Variants in CNTNAP2 observed in about 807,000 individuals in gnomAD.
CNTNAP2 encodes contactin-associated protein-like 2.
A neutral mutation model predicts 155.2 loss-of-function variants in CNTNAP2; 98 were observed. That is an observed-to-expected ratio of 0.63 (90% CI 0.54 to 0.75). CNTNAP2 has a LOEUF of 0.75. Ranked by LOEUF, CNTNAP2 falls within the 30% of genes least tolerant of loss-of-function variation. The pLI, the probability that CNTNAP2 is intolerant of heterozygous loss-of-function variation, is 0.00. For missense variants in CNTNAP2, 1,727 were observed against 1,688.1 expected (o/e 1.02, Z -0.40); for synonymous variants, 651 against 631.2 (o/e 1.03, Z -0.47).
intron 1 of CNTNAP2, among the ~76,000 whole-genome samples, chr7:146,124,768 G>T (rs550542947): frequency 2.0e-5 from 3 of 152,180 alleles, no homozygotes; most frequent in African/African-American, 7.2e-5. Context: ...CATGATTCGG[G>T]TGTTTTTTTC....
intron 13 of CNTNAP2, among the ~76,000 whole-genome samples, chr7:147,869,615 CTAAG>C (rs1475868962): frequency 6.6e-6 from 1 of 152,138 alleles, no homozygotes; most frequent in Non-Finnish European, 1.5e-5. Context: ...TTCAAAATAA[CTAAG>C]GAAGGGAAGT....
At chr7:146,839,127 G>A (rs1324536614) in intron 2 of CNTNAP2, among the ~76,000 whole-genome samples, 2 of 151,894 alleles carry the variant, frequency 1.3e-5, no homozygotes, top group Non-Finnish European at 2.9e-5. Flanking sequence ...AAGAGGTATT[G>A]ACTGTATATC....
At chr7:148,032,803 G>A in intron 15 of CNTNAP2, among the ~76,000 whole-genome samples, 1 of 152,188 alleles carries the variant, frequency 6.6e-6, no homozygotes, top group African/African-American at 2.4e-5. Context: ...CTATGTTGAT[G>A]AGCACTTTGG....
chr7:147,341,299 G>A (rs1795758613), intron 9 of CNTNAP2, among the ~76,000 whole-genome samples: 1 of 151,938 alleles, frequency 6.6e-6, no homozygotes, highest in Admixed American at 6.6e-5. Context: ...TCGGTGGAGG[G>A]CTGGGGGAGG....
intron 1 of CNTNAP2, among the ~76,000 whole-genome samples, chr7:146,382,319 C>A (rs1324813415): frequency 1.3e-5 from 2 of 151,986 alleles, no homozygotes. Context: ...AAGATGGTAA[C>A]CTACTTGAAG....
intron 1 of CNTNAP2, among the ~76,000 whole-genome samples, chr7:146,288,797 T>C (rs2129086199): frequency 8.3e-6 from 1 of 120,418 alleles, no homozygotes; most frequent in Non-Finnish European, 1.6e-5. Flanking sequence ...TTAGTAATTT[T>C]TTTTTTTTTT....
At chr7:147,066,958 C>A (rs1563064060) in intron 4 of CNTNAP2, among the ~76,000 whole-genome samples, 1 of 152,112 alleles carries the variant, frequency 6.6e-6, no homozygotes, top group Non-Finnish European at 1.5e-5. Flanking sequence ...GTTGTATCAC[C>A]ATATAGCGAA....
At chr7:148,022,527 T>G (rs1802301438) in intron 15 of CNTNAP2, among the ~76,000 whole-genome samples, 1 of 151,808 alleles carries the variant, frequency 6.6e-6, no homozygotes, top group Non-Finnish European at 1.5e-5. Flanking sequence ...CCAGTGTGGC[T>G]TCTGCCTCTG....
At chr7:147,191,655 T>C (rs1191677378) in intron 8 of CNTNAP2, among the ~76,000 whole-genome samples, 3 of 152,206 alleles carry the variant, frequency 2.0e-5, no homozygotes, top group Non-Finnish European at 4.4e-5. Context: ...AAACACTATT[T>C]CTGGAGGGGA....
chr7:147,564,595 C>A (rs1859549), intron 12 of CNTNAP2, among the ~76,000 whole-genome samples: 67,585 of 151,550 alleles, frequency 0.45, 15,216 homozygotes, highest in East Asian at 0.61. Context: ...TTCTTAAATT[C>A]ATCTCAAAGG....
chr7:147,783,989 G>A (rs1797695597), intron 13 of CNTNAP2, among the ~76,000 whole-genome samples: 1 of 152,120 alleles, frequency 6.6e-6, no homozygotes, highest in African/African-American at 2.4e-5. Context: ...ACTAAGAGAG[G>A]ATCTGTTCCA....
At chr7:147,832,407 T>C (rs1798564248) in intron 13 of CNTNAP2, among the ~76,000 whole-genome samples, 1 of 146,794 alleles carries the variant, frequency 6.8e-6, no homozygotes, top group South Asian at 2.1e-4. Flanking sequence ...TTAGGCTTAA[T>C]AACTCTGAGT....
chr7:147,418,169 C>T (rs1055133268), intron 10 of CNTNAP2, among the ~76,000 whole-genome samples: 1 of 152,124 alleles, frequency 6.6e-6, no homozygotes, highest in African/African-American at 2.4e-5. Flanking sequence ...TCTTCTTAAA[C>T]CCATCCTGAA....
At chr7:147,664,297 G>A (rs892452660) in intron 13 of CNTNAP2, among the ~76,000 whole-genome samples, 1 of 152,172 alleles carries the variant, frequency 6.6e-6, no homozygotes, top group African/African-American at 2.4e-5. Flanking sequence ...TGGTTTGTTT[G>A]TTTCATCTCT....
chr7:148,328,455 G>A (rs1285202658), intron 21 of CNTNAP2, among the ~76,000 whole-genome samples: 2 of 152,268 alleles, frequency 1.3e-5, no homozygotes, highest in East Asian at 3.9e-4. Context: ...TCAGCGTGCT[G>A]TTGTCGCATA....
chr7:146,989,519 T>C (rs1798172246), intron 3 of CNTNAP2, among the ~76,000 whole-genome samples: 1 of 139,400 alleles, frequency 7.2e-6, no homozygotes, highest in African/African-American at 2.8e-5. Flanking sequence ...CACTGGAGAC[T>C]CCTTTAACAC....
intron 10 of CNTNAP2, among the ~76,000 whole-genome samples, chr7:147,440,166 TAGTG>T: frequency 6.6e-6 from 1 of 152,158 alleles, no homozygotes; most frequent in South Asian, 2.1e-4. Flanking sequence ...GTCTTCCTTT[TAGTG>T]AGGGTGATTT....
chr7:148,153,319 G>T (rs1469445398), intron 17 of CNTNAP2, among the ~76,000 whole-genome samples: 2 of 151,428 alleles, frequency 1.3e-5, no homozygotes, highest in South Asian at 2.1e-4. Context: ...TCCCAAAAGG[G>T]TTAACACAGG....
chr7:147,519,529 T>C (rs565792240), intron 11 of CNTNAP2, among the ~76,000 whole-genome samples: 1 of 152,336 alleles, frequency 6.6e-6, no homozygotes, highest in Non-Finnish European at 1.5e-5. Context: ...TTATTCTGCC[T>C]ACCTCAAACC....
Sources: gnomAD v4.1 joint callset for allele counts (sites outside exome capture counted in the v4.1 genomes callset) on GRCh38, gnomAD v4.1.1 for gene constraint, MANE v1.5 for transcripts, NCBI Gene and HGNC (gene_info 2026-07-23, HGNC 2026-07-21) for gene names.